HSD11B1: variants seen among roughly 807,000 people sequenced by gnomAD.
The protein encoded by HSD11B1 is hydroxysteroid 11-beta dehydrogenase 1, also known as 11-beta-hydroxysteroid dehydrogenase 1.
Under a neutral mutation model 22.1 loss-of-function variants are expected in HSD11B1, and 15 were observed. The observed-to-expected ratio is 0.68, with a 90% CI of 0.45 to 1.04. The LOEUF (loss-of-function observed/expected upper bound fraction) is 1.04, where lower values mean the gene tolerates loss of function less well. Among genes scored for constraint, HSD11B1 ranks in the 50% least tolerant of loss-of-function variants. The probability of loss-of-function intolerance (pLI) is 0.00; values close to 1 mark genes in which losing one functional copy is unlikely to be tolerated. For synonymous variants in HSD11B1, 122 were observed against 125.2 expected (o/e 0.97, Z 0.17); for missense variants, 281 against 357.6 (o/e 0.79, Z 1.73).
intron 4 of HSD11B1, 131 bp from the exon 5 acceptor site, chr1:209,732,305 C>A: frequency 1.0e-6 from 1 of 968,292 alleles, no homozygotes; most frequent in Non-Finnish European, 1.6e-6. Context: ...GTATAACTTC[C>A]ATGGGGAATA....
In HSD11B1 at chr1:209,712,866, T is replaced by C. The variant is rs576940082; in HGVS notation, c.517+5738T>C. ...GCATTTGAGACCAGCCTGGCCAAGA[T>C]GGCAAAAGCCCGTCTCTACCAAAAA... On this transcript the variant is annotated intron_variant, in intron 4 of 5. Transcript: ENST00000367027. Among the ~76,000 whole-genome samples the C allele has an allele frequency of 8.5e-5, 13 of 152,200 alleles. No individual in the cohort carries two copies. The South Asian group carries it at 1.9e-3, about 22-fold the overall frequency.
intron 4 of HSD11B1, among the ~76,000 whole-genome samples, chr1:209,715,322 T>C (rs964127716): frequency 4.6e-5 from 7 of 152,142 alleles, no homozygotes; most frequent in African/African-American, 4.8e-5. Flanking sequence ...TGTCTACATA[T>C]ACATGCATGT....
At chr1:209,692,389 C>A (rs976448890) in intron 1 of HSD11B1, among the ~76,000 whole-genome samples, 1 of 151,880 alleles carries the variant, frequency 6.6e-6, no homozygotes, top group Admixed American at 6.6e-5. Context: ...TCCAAATACA[C>A]CATGGGAAGT....
intron 1 of HSD11B1, among the ~76,000 whole-genome samples, chr1:209,694,363 A>G (rs1424098613): frequency 1.3e-5 from 2 of 152,202 alleles, no homozygotes. Context: ...TCCCAGAACT[A>G]TCTAATGGGA....
At chr1:209,732,266 C>T (rs1183147881) in intron 4 of HSD11B1, among the ~76,000 whole-genome samples, 170 bp from the exon 5 acceptor site, 1 of 152,150 alleles carries the variant, frequency 6.6e-6, no homozygotes, top group Non-Finnish European at 1.5e-5. Flanking sequence ...GCCTTCGATA[C>T]CTTAATGTTT....
At chr1:209,705,614 C>A (rs572163554) in intron 1 of HSD11B1, among the ~76,000 whole-genome samples, 197 bp from the exon 2 acceptor site, 1 of 152,274 alleles carries the variant, frequency 6.6e-6, no homozygotes, top group Non-Finnish European at 1.5e-5. Context: ...GGCTGTCAGC[C>A]CAAACCTCCC....
intron 4 of HSD11B1, among the ~76,000 whole-genome samples, chr1:209,718,579 A>G (rs2076944648): frequency 6.6e-6 from 1 of 152,128 alleles, no homozygotes; most frequent in Non-Finnish European, 1.5e-5. Flanking sequence ...AGAAATAGCA[A>G]GTATTGGTGA....
chr1:209,691,946 T>C (rs901705077), intron 1 of HSD11B1, among the ~76,000 whole-genome samples: 2 of 152,198 alleles, frequency 1.3e-5, no homozygotes, highest in Non-Finnish European at 2.9e-5. Flanking sequence ...GCGATTTGCC[T>C]GTCAGTGGGA....
chr1:209,694,767 T>C (rs1360290071), intron 1 of HSD11B1, among the ~76,000 whole-genome samples: 1 of 152,244 alleles, frequency 6.6e-6, no homozygotes, highest in Admixed American at 6.5e-5. Context: ...ATACTTATGC[T>C]TTATACGTTA....
rs766626519 is a variant in HSD11B1, at chr1:209,705,861, G to A, written c.139G>A (p.Gly47Arg). 5 of 1,614,008 alleles carry A rather than the reference G, an allele frequency of 3.1e-6. No homozygotes were observed. Among genetic ancestry groups the A allele is most frequent in the South Asian group, 1.1e-5 (1 of 91,076 alleles). Residue 47 changes from glycine to arginine, a missense_variant, in exon 2 of 6, where the codon GGA (glycine) becomes AGA (arginine). Gly to Arg is a moderately radical substitution (Grantham distance 125). Transcript: ENST00000367027. ...VIVTGASKGIGREMAYHLAKM... is the reference protein window; with the variant it reads ...VIVTGASKGIRREMAYHLAKM... The stretch of plus-strand genomic sequence containing the variant: ...TGTCACAGGGGCCAGCAAAGGGATC[G>A]GAAGAGAGATGGCTTATCATCTGGC...
intron 4 of HSD11B1, among the ~76,000 whole-genome samples, chr1:209,718,368 G>T (rs760875490): frequency 6.6e-6 from 1 of 152,006 alleles, no homozygotes; most frequent in Non-Finnish European, 1.5e-5. Context: ...CAAATATTAC[G>T]TATCAACTTA....
At chr1:209,702,170 T>C (rs3753519), upstream of HSD11B1, among the ~76,000 whole-genome samples, 116,023 of 152,186 alleles carry the variant, frequency 0.76, 46,665 homozygotes, top group Middle Eastern at 0.9. Flanking sequence ...GTCTTTATTA[T>C]TTTTTAAAAC....
intron 4 of HSD11B1, among the ~76,000 whole-genome samples, chr1:209,726,252 A>G (rs1377757480): frequency 2.3e-5 from 3 of 130,460 alleles, no homozygotes; most frequent in Admixed American, 9.1e-5. Flanking sequence ...CTGCACTCCA[A>G]CCTGGCAACA....
chr1:209,730,560 A>T (rs2077029309), intron 4 of HSD11B1, among the ~76,000 whole-genome samples: 1 of 152,202 alleles, frequency 6.6e-6, no homozygotes, highest in Non-Finnish European at 1.5e-5. Flanking sequence ...TTTTAAAATG[A>T]TTACGTTGCT....
At chr1:209,730,047 C>A (rs2077026313) in intron 4 of HSD11B1, among the ~76,000 whole-genome samples, 1 of 152,054 alleles carries the variant, frequency 6.6e-6, no homozygotes. Flanking sequence ...AAATTGAAAG[C>A]CTTTCCACCA....
intron 4 of HSD11B1, among the ~76,000 whole-genome samples, chr1:209,707,387 T>A (rs1357184499): frequency 1.3e-5 from 2 of 152,054 alleles, no homozygotes; most frequent in Admixed American, 1.3e-4. Flanking sequence ...GTACAGCCTG[T>A]CCTGGTCCTA....
At chr1:209,724,253 A>G (rs2076986576) in intron 4 of HSD11B1, 2 of 152,200 alleles carry the variant, frequency 1.3e-5, no homozygotes, top group Non-Finnish European at 2.9e-5. Context: ...CTTGTTGCTC[A>G]TCAAACTCTT....
chr1:209,700,489 C>A (rs961394306), upstream of HSD11B1, among the ~76,000 whole-genome samples: 1 of 152,164 alleles, frequency 6.6e-6, no homozygotes, highest in African/African-American at 2.4e-5. Context: ...GGACCCTGGG[C>A]CCACCCATGA....
At chr1:209,715,031 A>G (rs1341491393) in intron 4 of HSD11B1, among the ~76,000 whole-genome samples, 2 of 152,224 alleles carry the variant, frequency 1.3e-5, no homozygotes, top group African/African-American at 4.8e-5. Flanking sequence ...GACATAGGGT[A>G]AAGAAGGCAT....
Sources: allele counts gnomAD v4.1 joint callset (sites outside exome capture counted in the v4.1 genomes callset), GRCh38; gene constraint gnomAD v4.1.1; transcripts MANE v1.5; gene names NCBI Gene and HGNC (gene_info 2026-07-23, HGNC 2026-07-21).